The following ANGPT1 variants were observed in gnomAD, a reference collection of about 807,000 sequenced individuals.
ANGPT1 encodes the protein angiopoietin 1, also known as angiopoietin-1.
Under a neutral mutation model 62.2 loss-of-function variants are expected in ANGPT1, and 17 were observed. The ratio of observed to expected loss-of-function variants is 0.27; its 90% CI spans 0.19 to 0.41. The LOEUF is 0.41. Ranked by LOEUF, ANGPT1 falls within the 10% of genes least tolerant of loss-of-function variation. The probability of loss-of-function intolerance (pLI) is 1.00; values close to 1 mark genes in which losing one functional copy is unlikely to be tolerated. For missense variants in ANGPT1, 478 were observed against 594.9 expected (o/e 0.80, Z 2.04); for synonymous variants, 199 against 198.9 (o/e 1.00, Z 0.00).
At chr8:107,255,787 T>TAA (rs140480032) in intron 8 of ANGPT1, among the ~76,000 whole-genome samples, 1,616 of 152,106 alleles carry the variant, frequency 0.011, 18 homozygotes, top group Middle Eastern at 0.02. Context: ...TTACAGCCTG[T>TAA]AAAATCCTAC....
chr8:107,483,628 C>T (rs1812743001), intron 1 of ANGPT1, among the ~76,000 whole-genome samples: 1 of 151,996 alleles, frequency 6.6e-6, no homozygotes, highest in African/African-American at 2.4e-5. Flanking sequence ...GATGACTCTT[C>T]CCCAGAATAT....
intron 8 of ANGPT1, 143 bp from the exon 9 acceptor site, chr8:107,252,158 T>A (rs936152047): frequency 4.8e-6 from 4 of 827,688 alleles, no homozygotes; most frequent in Non-Finnish European, 7.5e-6. Context: ...CATCAGTAAA[T>A]ATATTCCCAG....
chr8:107,306,344 A>C (rs75425456), intron 4 of ANGPT1, among the ~76,000 whole-genome samples: 4,667 of 152,246 alleles, frequency 0.031, 105 homozygotes, highest in Middle Eastern at 0.071. Flanking sequence ...AAATCAGATT[A>C]TACCATTGTT....
intron 1 of ANGPT1, among the ~76,000 whole-genome samples, chr8:107,442,337 A>T (rs1279021664): frequency 1.3e-5 from 2 of 152,208 alleles, no homozygotes; most frequent in Non-Finnish European, 2.9e-5. Flanking sequence ...ACCAACAAAT[A>T]CAAACTAGTG....
intron 5 of ANGPT1, among the ~76,000 whole-genome samples, chr8:107,302,195 G>A (rs1219823075): frequency 1.4e-4 from 21 of 151,886 alleles, no homozygotes; most frequent in Admixed American, 1.4e-3. Context: ...AGAAAGTCAT[G>A]TAAAGTTGCC....
intron 7 of ANGPT1, among the ~76,000 whole-genome samples, chr8:107,282,477 C>T (rs970487578): frequency 7.3e-5 from 10 of 137,246 alleles, no homozygotes; most frequent in African/African-American, 2.7e-4. Context: ...CATGCATATG[C>T]ATGTGTGTGA....
At chr8:107,324,205 G>GTGTA (rs1554582614) in intron 3 of ANGPT1, among the ~76,000 whole-genome samples, 1 of 118,984 alleles carries the variant, frequency 8.4e-6, no homozygotes, top group Non-Finnish European at 1.8e-5. Context: ...GTATATATAT[G>GTGTA]TATATATATA....
At chr8:107,489,948 A>AG (rs997172626) in intron 1 of ANGPT1, among the ~76,000 whole-genome samples, 3 of 152,044 alleles carry the variant, frequency 2.0e-5, no homozygotes, top group South Asian at 2.1e-4. Context: ...AAAAAAAAAA[A>AG]AAGAAGAAAA....
chr8:107,251,582 C>T lies in ANGPT1; in HGVS notation c.*273G>A, dbSNP rs976171596. 9 of 351,106 alleles carry T rather than the reference C, an allele frequency of 2.6e-5. No individual in the cohort carries two copies. Among genetic ancestry groups the T allele is most frequent in the African/African-American group, 1.9e-4 (9 of 48,646 alleles). 21.7% of individuals were successfully genotyped at this position (351,106 alleles called of 1,614,324 possible). ...GGTCCAGTAGTAGTTTGAAGCACAGCAAGCTCAGCAGTTTCTTCCCTTTTT... is the reference window on the plus strand; with the variant it reads ...GGTCCAGTAGTAGTTTGAAGCACAGTAAGCTCAGCAGTTTCTTCCCTTTTT... On this transcript the variant is annotated 3_prime_UTR_variant, in exon 9 of 9. Coordinates refer to ENST00000517746, the MANE Select transcript of ANGPT1 (RefSeq NM_001146.5).
intron 1 of ANGPT1, among the ~76,000 whole-genome samples, chr8:107,350,893 T>A (rs1815918125): frequency 6.6e-6 from 1 of 152,152 alleles, no homozygotes; most frequent in African/African-American, 2.4e-5. Context: ...CATTCCTCTG[T>A]AGATGTATAA....
chr8:107,273,429 T>A (rs2130080338), intron 7 of ANGPT1, among the ~76,000 whole-genome samples: 1 of 152,212 alleles, frequency 6.6e-6, no homozygotes, highest in Non-Finnish European at 1.5e-5. Context: ...ACCAAAGTCA[T>A]CAGTGTGCTT....
chr8:107,272,466 C>T (rs1813759194), intron 7 of ANGPT1, among the ~76,000 whole-genome samples: 1 of 151,852 alleles, frequency 6.6e-6, no homozygotes, highest in Non-Finnish European at 1.5e-5. Flanking sequence ...ACATTAATAT[C>T]TTGTAGAATT....
chr8:107,456,029 A>G (rs1482105397), intron 1 of ANGPT1, among the ~76,000 whole-genome samples: 1 of 152,196 alleles, frequency 6.6e-6, no homozygotes, highest in East Asian at 1.9e-4. Flanking sequence ...GATCTGGTAT[A>G]TGTATCAGCA....
chr8:107,490,888 G>A (rs1812937576), intron 1 of ANGPT1, among the ~76,000 whole-genome samples: 1 of 152,224 alleles, frequency 6.6e-6, no homozygotes, highest in South Asian at 2.1e-4. Flanking sequence ...GAGGTGGCAG[G>A]AAGGATTTGG....
chr8:107,311,030 AGTGT>A lies in ANGPT1; in HGVS notation c.809-7667_809-7664del, dbSNP rs369897883. ...GTGTGTATGTATGTGAGTGTGTGTG[AGTGT>A]GTGTGTGTTCATCTTCTAGTATCAG... On this transcript the variant is annotated intron_variant, in intron 4 of 8. Transcript: ENST00000517746. 4.0e-3 allele frequency among the ~76,000 whole-genome samples: 601 copies of A among 148,640 alleles called. 5 individuals are homozygous for A. Among genetic ancestry groups the A allele is most frequent in the African/African-American group, 0.014 (557 of 39,486 alleles).
chr8:107,448,985 T>TG (rs1004809827), intron 1 of ANGPT1, among the ~76,000 whole-genome samples: 5 of 152,034 alleles, frequency 3.3e-5, no homozygotes, highest in African/African-American at 1.2e-4. Flanking sequence ...GACTCATTGT[T>TG]GGGGGAGTGA....
chr8:107,496,622 C>G (rs901651598), intron 1 of ANGPT1, among the ~76,000 whole-genome samples: 5 of 152,118 alleles, frequency 3.3e-5, no homozygotes, highest in African/African-American at 9.7e-5. Context: ...CCCTTTCCGA[C>G]AGTTAACATT....
chr8:107,437,145 C>A (rs1001946550), intron 1 of ANGPT1, among the ~76,000 whole-genome samples: 2 of 152,144 alleles, frequency 1.3e-5, no homozygotes, highest in Non-Finnish European at 2.9e-5. Flanking sequence ...TCTAATATTA[C>A]ATATTGCTTA....
At position 107,337,862 on chromosome 8, in the gene ANGPT1, T is replaced by C. The variant is rs190271358; in HGVS notation, c.454-1591A>G. Among the ~76,000 whole-genome samples, 683 of 152,184 alleles carry C rather than the reference T, an allele frequency of 4.5e-3. 5 individuals are homozygous for C. The highest frequency in any genetic ancestry group is 0.016 in the African/African-American group (659 of 41,526). On this transcript the variant is annotated intron_variant, in intron 2 of 8. Coordinates refer to ENST00000517746, the MANE Select transcript of ANGPT1 (RefSeq NM_001146.5). ...GTAATCCCAACCCTTTGGGAGGCTG[T>C]AGCAGGTGGCTTGCTTGAGCTCAGG...
Sources: allele counts gnomAD v4.1 joint callset (sites outside exome capture counted in the v4.1 genomes callset), GRCh38; gene constraint gnomAD v4.1.1; transcripts MANE v1.5; gene names NCBI Gene and HGNC (gene_info 2026-07-23, HGNC 2026-07-21).